COX7B2: variants seen among roughly 807,000 people sequenced by gnomAD.
COX7B2 encodes the protein cytochrome c oxidase subunit 7B2, mitochondrial.
For missense variants in COX7B2, 109 were observed against 95.9 expected (o/e 1.14, Z -0.57); for synonymous variants, 37 against 32.1 (o/e 1.15, Z -0.51).
chr4:46,828,120 CAT>C (rs921397893), intron 2 of COX7B2, among the ~76,000 whole-genome samples: 1 of 151,984 alleles, frequency 6.6e-6, no homozygotes, highest in Non-Finnish European at 1.5e-5. Flanking sequence ...TTTAGGAAAA[CAT>C]AATGCAAAAT....
chr4:46,809,493 TA>T (rs1201245212), intron 2 of COX7B2, among the ~76,000 whole-genome samples: 16 of 151,868 alleles, frequency 1.1e-4, no homozygotes, highest in Non-Finnish European at 1.2e-4. Context: ...TGTCTCAAGA[TA>T]TTTTTTTAAA....
intron 1 of COX7B2, among the ~76,000 whole-genome samples, chr4:46,867,788 G>T (rs528621678): frequency 1.2e-3 from 178 of 152,044 alleles, no homozygotes; most frequent in Non-Finnish European, 1.1e-3. Flanking sequence ...AATTTTTTTT[G>T]GTTTTCACAT....
intron 1 of COX7B2, among the ~76,000 whole-genome samples, chr4:46,898,678 C>T (rs1012987762): frequency 6.6e-6 from 1 of 152,058 alleles, no homozygotes; most frequent in Non-Finnish European, 1.5e-5. Context: ...ACTGGCCTCA[C>T]CCTCCCAAAA....
At chr4:46,741,981 C>A (rs560084108) in intron 2 of COX7B2, among the ~76,000 whole-genome samples, 1 of 152,078 alleles carries the variant, frequency 6.6e-6, no homozygotes, top group East Asian at 1.9e-4. Context: ...TTTTCCTTGG[C>A]GGAAAAATAA....
intron 1 of COX7B2, among the ~76,000 whole-genome samples, chr4:46,908,306 A>G (rs936278647): frequency 6.6e-6 from 1 of 152,184 alleles, no homozygotes; most frequent in Non-Finnish European, 1.5e-5. Flanking sequence ...GCTACTTAGA[A>G]AAAACTGCCT....
intron 1 of COX7B2, among the ~76,000 whole-genome samples, chr4:46,895,266 A>T (rs949832816): frequency 7.9e-5 from 12 of 152,238 alleles, no homozygotes; most frequent in Admixed American, 7.9e-4. Flanking sequence ...GATTGAATAA[A>T]GAAAATGTGG....
intron 1 of COX7B2, among the ~76,000 whole-genome samples, chr4:46,896,533 G>C (rs1239375384): frequency 6.6e-6 from 1 of 151,862 alleles, no homozygotes; most frequent in Non-Finnish European, 1.5e-5. Flanking sequence ...CTCAAGATTT[G>C]ATCATTTTTT....
intron 2 of COX7B2, among the ~76,000 whole-genome samples, chr4:46,835,422 G>A (rs191847803): frequency 2.6e-5 from 4 of 151,822 alleles, no homozygotes; most frequent in Admixed American, 6.6e-5. Context: ...TACGAGATAC[G>A]CAAACAAGTC....
intron 2 of COX7B2, among the ~76,000 whole-genome samples, chr4:46,797,329 C>A (rs1056370324): frequency 2.6e-5 from 4 of 152,062 alleles, no homozygotes; most frequent in Admixed American, 6.5e-5. Flanking sequence ...CCAAACATCA[C>A]GGTGTTCTAC....
chr4:46,844,671 A>G (rs1251909207), intron 2 of COX7B2, among the ~76,000 whole-genome samples: 3 of 152,026 alleles, frequency 2.0e-5, no homozygotes, highest in Admixed American at 1.3e-4. Flanking sequence ...TTTGTATCCA[A>G]CTGTTCGTGT....
Position 46,909,190 on chromosome 4 carries a change from G to C in COX7B2, c.-135C>G, listed in dbSNP as rs961571192. 3.3e-5 allele frequency: 5 copies of C among 152,182 alleles called. No individual in the cohort carries two copies. Among genetic ancestry groups the C allele is most frequent in the African/African-American group, 4.8e-5 (2 of 41,440 alleles). The allele number at this position is 152,182 out of a possible 1,614,324, so 9.4% of individuals were successfully genotyped here. On this transcript the variant is annotated 5_prime_UTR_variant, in exon 1 of 3. Transcript: ENST00000355591. The stretch of plus-strand genomic sequence containing the variant: ...ACGTCACAGGTAACAGGCAAAAAAA[G>C]ACGGCGCAGAGGCAAATTCCGAACC...
rs753112248 is a variant in COX7B2, at chr4:46,735,426, TTC to T, written c.-49-187_-49-186del. Among the ~76,000 whole-genome samples, 36 of 152,292 alleles carry T rather than the reference TTC, an allele frequency of 2.4e-4. 1 individual carries two copies. Among genetic ancestry groups the T allele is most frequent in the Admixed American group, 1.0e-3 (16 of 15,284 alleles). ...TATGAACTTGGGGCAATTATTTAAC[TTC>T]TTTTTGCCTCAACATTATTACATGT... On this transcript the variant is annotated intron_variant, in intron 2 of 2. Coordinates refer to ENST00000355591, the MANE Select transcript of COX7B2 (RefSeq NM_130902.3).
chr4:46,735,007 T>G lies in COX7B2; in HGVS notation c.186A>C (p.Gly62=). The G allele has an allele frequency of 6.2e-7, 1 of 1,614,094 alleles. No individual in the cohort carries two copies. Among genetic ancestry groups the G allele is most frequent in the Non-Finnish European group, 8.5e-7 (1 of 1,179,948 alleles). ...ATWVFTATQI[G]IEWNLSPVGR... is the part of the protein sequence containing the mutation. ...CAACAGGGGATAGGTTCCATTCTAT[T>G]CCAATCTGAGTGGCTGTAAACACCC... is the stretch of plus-strand genomic sequence containing the variant. The change falls in exon 3 of 3, where the codon GGA becomes GGC. Residue 62 remains glycine (G), a synonymous_variant. Transcript: ENST00000355591.
chr4:46,743,383 C>T (rs1714827055), intron 2 of COX7B2, among the ~76,000 whole-genome samples: 3 of 152,068 alleles, frequency 2.0e-5, no homozygotes, highest in Admixed American at 2.0e-4. Flanking sequence ...CTGTCTCATG[C>T]TAATGGAACT....
chr4:46,804,028 G>A (rs1256306851), intron 2 of COX7B2, among the ~76,000 whole-genome samples: 1 of 152,112 alleles, frequency 6.6e-6, no homozygotes, highest in East Asian at 1.9e-4. Flanking sequence ...TCCTTCTGAT[G>A]TTCGGATGTG....
chr4:46,841,832 T>C lies in COX7B2; in HGVS notation c.-50+3128A>G, dbSNP rs148665182. 4.5e-3 allele frequency among the ~76,000 whole-genome samples: 677 copies of C among 152,068 alleles called. 6 individuals are homozygous for C. The highest frequency in any genetic ancestry group is 0.016 in the African/African-American group (656 of 41,522). Reference sequence around the variant, plus strand: ...GAGAAACTTATTACATTGGCCTCTGTAGCAATTACAGGAAATCTGGTATAT... The same window carrying C: ...GAGAAACTTATTACATTGGCCTCTGCAGCAATTACAGGAAATCTGGTATAT... On this transcript the variant is annotated intron_variant, in intron 2 of 2. Transcript: ENST00000355591.
chr4:46,891,275 A>T (rs1368722244), intron 1 of COX7B2, among the ~76,000 whole-genome samples: 2 of 152,204 alleles, frequency 1.3e-5, no homozygotes, highest in African/African-American at 4.8e-5. Flanking sequence ...CAAGGGAAAG[A>T]TTCAAGGAAT....
chr4:46,811,950 G>A (rs1412042994), intron 2 of COX7B2, among the ~76,000 whole-genome samples: 1 of 152,110 alleles, frequency 6.6e-6, no homozygotes, highest in Non-Finnish European at 1.5e-5. Flanking sequence ...AGTAATGGTG[G>A]CTGCATAGGT....
intron 1 of COX7B2, among the ~76,000 whole-genome samples, chr4:46,850,776 A>G (rs1046516908): frequency 6.6e-6 from 1 of 152,106 alleles, no homozygotes; most frequent in Non-Finnish European, 1.5e-5. Flanking sequence ...ATGCTCAGCT[A>G]CTTAACCCAC....
Sources: gnomAD v4.1 joint callset for allele counts (sites outside exome capture counted in the v4.1 genomes callset) on GRCh38, gnomAD v4.1.1 for gene constraint, MANE v1.5 for transcripts, NCBI Gene and HGNC (gene_info 2026-07-23, HGNC 2026-07-21) for gene names.